Variants in EIF3B observed in about 807,000 individuals in gnomAD.
The protein encoded by EIF3B is eukaryotic translation initiation factor 3 subunit 9.
EIF3B carries 10 observed loss-of-function variants against 104.6 expected under a neutral mutation model. That is an observed-to-expected ratio of 0.10 (90% CI 0.06 to 0.16). The LOEUF is 0.16. EIF3B is among the 10% of genes least tolerant of loss of function. The probability of loss-of-function intolerance (pLI) is 1.00; values close to 1 mark genes in which losing one functional copy is unlikely to be tolerated. For synonymous variants in EIF3B, 542 were observed against 417.2 expected, an observed-to-expected ratio of 1.30 and a Z score of -3.65; for missense variants, 1,014 against 1,087.9, an observed-to-expected ratio of 0.93 and a Z score of 0.96.
chr7:2,379,612 A>G (rs970343412), intron 18 of EIF3B, 101 bp downstream of exon 18: 11 of 772,160 alleles, frequency 1.4e-5, no homozygotes, highest in Non-Finnish European at 1.9e-5. Flanking sequence ...GCAGGGGTGA[A>G]GGGTGAAGCC....
chr7:2,378,895 C>T (rs1028858437), intron 16 of EIF3B, 129 bp downstream of exon 16: 12 of 893,246 alleles, frequency 1.3e-5, no homozygotes, highest in Admixed American at 9.2e-5. Context: ...TCTGTTCCCC[C>T]CCAGGAGGGA....
chr7:2,377,383 TGTG>T (rs1159390099), intron 15 of EIF3B, among the ~76,000 whole-genome samples: 1 of 152,210 alleles, frequency 6.6e-6, no homozygotes, highest in Non-Finnish European at 1.5e-5. Flanking sequence ...TTTACATTAT[TGTG>T]GTAAAATAGG....
At chr7:2,378,849 T>C in intron 16 of EIF3B, 83 bp downstream of exon 16, 2 of 1,258,498 alleles carry the variant, frequency 1.6e-6, no homozygotes, top group Non-Finnish European at 2.3e-6. Flanking sequence ...CTGCTGTGTA[T>C]GTGCTCAGAG....
intron 1 of EIF3B, among the ~76,000 whole-genome samples, chr7:2,357,682 G>A (rs1779523183): frequency 6.6e-6 from 1 of 152,154 alleles, no homozygotes; most frequent in Non-Finnish European, 1.5e-5. Context: ...GTTCTCTTCT[G>A]TTTTTCCTGG....
At chr7:2,356,154 C>G (rs148298990) in intron 1 of EIF3B, among the ~76,000 whole-genome samples, 169 of 152,180 alleles carry the variant, frequency 1.1e-3, no homozygotes, top group African/African-American at 3.7e-3. Context: ...TTTTTTAGCT[C>G]TCTTAAGCCT....
intron 16 of EIF3B, 27 bp downstream of exon 16, chr7:2,378,793 T>C (rs774136263): frequency 2.5e-6 from 4 of 1,594,980 alleles, no homozygotes; most frequent in Non-Finnish European, 2.6e-6. Context: ...AAATGAGGGC[T>C]GTGCTGTGAC....
chr7:2,355,296 C>G lies in EIF3B; in HGVS notation c.375C>G (p.Ser125=). Reference sequence around the variant, plus strand: ...CCGACAGCCGGGCCCAGGCGGTGTCCGAGGACGCGGGAGGAAACGAGGGCA... The same window carrying G: ...CCGACAGCCGGGCCCAGGCGGTGTCGGAGGACGCGGGAGGAAACGAGGGCA... ...ERSDSRAQAV[S]EDAGGNEGRA... is the part of the protein sequence containing the mutation. Residue 125 remains serine (S), a synonymous_variant, in exon 1 of 19, where the codon TCC becomes TCG. Coordinates refer to ENST00000360876, the MANE Select transcript of EIF3B (RefSeq NM_001037283.2). 1 of 1,538,574 alleles carries G rather than the reference C, an allele frequency of 6.5e-7. No homozygotes were observed. The highest frequency in any genetic ancestry group is 1.2e-5 in the South Asian group (1 of 84,052).
chr7:2,371,457 AC>A (rs1274821082), intron 10 of EIF3B, among the ~76,000 whole-genome samples: 3 of 152,086 alleles, frequency 2.0e-5, no homozygotes, highest in African/African-American at 7.2e-5. Context: ...GGCCCTCAGG[AC>A]CCTGGCCTGC....
rs550442151 is a variant in EIF3B at position 2,361,052 on chromosome 7, C to T, written c.692+150C>T. Reference sequence around the variant, plus strand: ...AGGCCGCCCTCAGCTGGAAGCTATCCAGAGCAGTGAATGAGAAGATGATAA... The same window carrying T: ...AGGCCGCCCTCAGCTGGAAGCTATCTAGAGCAGTGAATGAGAAGATGATAA... On this transcript the variant is annotated intron_variant, in intron 2 of 18. Transcript: ENST00000360876. 4 of 579,232 alleles carry T rather than the reference C, an allele frequency of 6.9e-6. No individual in the cohort carries two copies. The South Asian group carries it at 7.7e-5, about 11-fold the overall frequency. 35.9% of individuals were successfully genotyped at this position (579,232 alleles called of 1,614,324 possible). A position where few individuals can be genotyped will look rare whatever the true frequency, so the allele number is the denominator to read the frequency against.
chr7:2,375,221 G>A, intron 13 of EIF3B, 168 bp from the exon 14 acceptor site: 1 of 713,250 alleles, frequency 1.4e-6, no homozygotes, highest in Non-Finnish European at 2.4e-6. Flanking sequence ...CTCTGCATCT[G>A]TGATTTGGTA....
intron 6 of EIF3B, among the ~76,000 whole-genome samples, chr7:2,365,689 T>G (rs1779981473): frequency 1.4e-5 from 2 of 145,948 alleles, no homozygotes; most frequent in African/African-American, 5.3e-5. Flanking sequence ...TGTTTTTTTT[T>G]TTTTTGAAAC....
At chr7:2,363,193 C>T in intron 4 of EIF3B, 66 bp downstream of exon 4, 14 of 1,503,404 alleles carry the variant, frequency 9.3e-6, no homozygotes, top group Admixed American at 3.3e-5. Flanking sequence ...TGGGTCACAC[C>T]TGCAATCCCA....
At chr7:2,378,861 T>C in intron 16 of EIF3B, 95 bp downstream of exon 16, 2 of 1,132,520 alleles carry the variant, frequency 1.8e-6, no homozygotes, top group Non-Finnish European at 2.6e-6. Flanking sequence ...TGCTCAGAGT[T>C]GCCTCTGCTC....
intron 5 of EIF3B, 111 bp downstream of exon 5, chr7:2,363,871 C>G (rs897655473): frequency 2.3e-6 from 3 of 1,296,860 alleles, no homozygotes; most frequent in African/African-American, 3.0e-5. Flanking sequence ...GTTATATTTT[C>G]TTTGAGATTA....
intron 1 of EIF3B, among the ~76,000 whole-genome samples, chr7:2,356,820 G>T (rs916962507): frequency 3.3e-5 from 5 of 151,794 alleles, no homozygotes; most frequent in Non-Finnish European, 7.4e-5. Context: ...AAATAAAAAC[G>T]CTGTCAGTTA....
intron 1 of EIF3B, among the ~76,000 whole-genome samples, chr7:2,358,400 G>A (rs1056456846): frequency 2.6e-5 from 4 of 151,794 alleles, no homozygotes; most frequent in African/African-American, 7.3e-5. Context: ...CAATATTTCC[G>A]AAAGTGTTTT....
chr7:2,357,034 A>G (rs879883877), intron 1 of EIF3B, among the ~76,000 whole-genome samples: 18 of 152,194 alleles, frequency 1.2e-4, no homozygotes, highest in African/African-American at 4.3e-4. Flanking sequence ...TCTCCTGCTC[A>G]GAACAGTGTT....
Position 2,375,463 on chromosome 7 carries a change from C to G in EIF3B, c.1964C>G (p.Ser655Cys). ...AACATCGCAGAGCACTACATGGCTT[C>G]CGACGTCGAATGGGATCCTACTGGG... ...VMNIAEHYMA[S>C]DVEWDPTGRY... is the part of the protein sequence containing the mutation. The change falls in exon 14 of 19, where the codon TCC (serine) becomes TGC (cysteine). Residue 655 changes from serine (S) to cysteine (C), a missense_variant. Physicochemically the swap from Ser to Cys is moderately radical, Grantham distance 112. Coordinates refer to ENST00000360876, the MANE Select transcript of EIF3B (RefSeq NM_001037283.2). 1 of 1,614,198 alleles carries G rather than the reference C, an allele frequency of 6.2e-7. No individual in the cohort carries two copies. Among genetic ancestry groups the G allele is most frequent in the Non-Finnish European group, 8.5e-7 (1 of 1,180,032 alleles).
chr7:2,369,127 C>T (rs1313260183), intron 9 of EIF3B, among the ~76,000 whole-genome samples: 1 of 152,170 alleles, frequency 6.6e-6, no homozygotes, highest in African/African-American at 2.4e-5. Flanking sequence ...GATCCGTCAG[C>T]CTAAAACTTA....
Sources: allele counts gnomAD v4.1 joint callset (sites outside exome capture counted in the v4.1 genomes callset), GRCh38; gene constraint gnomAD v4.1.1; transcripts MANE v1.5; gene names NCBI Gene and HGNC (gene_info 2026-07-23, HGNC 2026-07-21).